TENM1: variants seen among roughly 807,000 people sequenced by gnomAD.
The protein encoded by TENM1 is teneurin transmembrane protein 1, also known as teneurin-1.
In TENM1, 35 loss-of-function variants were observed where a neutral mutation model predicts 174.8. That is an observed-to-expected ratio of 0.20 (90% CI 0.15 to 0.27). The LOEUF (loss-of-function observed/expected upper bound fraction) is 0.27. TENM1 is among the 10% of genes least tolerant of loss of function. The pLI is 1.00. For missense variants in TENM1, 1,633 were observed against 2,130.1 expected (o/e 0.77, Z 4.59); for synonymous variants, 781 against 798.7 (o/e 0.98, Z 0.37).
At chrX:125,036,357 G>A in the TENM1 span, among the ~76,000 whole-genome samples, 2 of 111,981 alleles carry the variant, frequency 1.8e-5, no homozygotes, top group South Asian at 3.7e-4. Flanking sequence ...ACGTATTTGT[G>A]TTGATTTTTA....
chrX:124,640,983 G>T (rs1342080956), intron 11 of TENM1, among the ~76,000 whole-genome samples: 1 of 67,885 alleles, frequency 1.5e-5, no homozygotes, highest in African/African-American at 7.8e-5. Context: ...AAAAAAATCA[G>T]GGGATCCCTG....
At chrX:125,039,691 T>C in the TENM1 span, among the ~76,000 whole-genome samples, 1 of 111,521 alleles carries the variant, frequency 9.0e-6, no homozygotes, top group African/African-American at 3.2e-5. Flanking sequence ...CCTAAAAGTA[T>C]AGTGATTTTA....
intron 11 of TENM1, among the ~76,000 whole-genome samples, chrX:124,590,399 A>G (rs1379403867): frequency 9.1e-6 from 1 of 110,026 alleles, no homozygotes; most frequent in African/African-American, 3.3e-5. Flanking sequence ...AAGAGAATAA[A>G]ATACCTAGGA....
the TENM1 span, among the ~76,000 whole-genome samples, chrX:125,133,483 G>A: frequency 9.0e-5 from 10 of 111,218 alleles, no homozygotes; most frequent in African/African-American, 2.6e-4. Context: ...GATACTCTCC[G>A]GATCATTACT....
At chrX:124,945,676 G>A (rs750626096) in intron 1 of TENM1, among the ~76,000 whole-genome samples, 9 of 111,353 alleles carry the variant, frequency 8.1e-5, no homozygotes, top group Non-Finnish European at 1.3e-4. Flanking sequence ...CAGAATCTGA[G>A]ACAGAAAAAG....
upstream of TENM1, chrX:124,963,828 A>G (rs1169956783): frequency 5.8e-6 from 5 of 866,245 alleles, no homozygotes; most frequent in Non-Finnish European, 8.3e-6. Flanking sequence ...CTGGAAGAGA[A>G]AGGGAAAAAC....
the TENM1 span, among the ~76,000 whole-genome samples, chrX:125,012,270 A>G: frequency 8.9e-6 from 1 of 111,835 alleles, no homozygotes; most frequent in African/African-American, 3.3e-5. Context: ...ATTGATAGGT[A>G]CAGCAAACCA....
Position 124,942,030 on chromosome X carries a change from T to C in TENM1, c.217+21507A>G, listed in dbSNP as rs757848948. Among the ~76,000 whole-genome samples the C allele has an allele frequency of 9.0e-5, 10 of 111,614 alleles. No homozygotes were observed. In the South Asian group the frequency reaches 3.8e-3, roughly 42 times the overall value. On this transcript the variant is annotated intron_variant, in intron 1 of 31. Transcript: ENST00000422452. Reference sequence around the variant, plus strand: ...GGGAGAAACTGCCCCCATGATTCAATTTTCTCTCACTGGGTCCCTCTCATG... The same window carrying C: ...GGGAGAAACTGCCCCCATGATTCAACTTTCTCTCACTGGGTCCCTCTCATG...
chrX:124,423,609 G>A lies in TENM1; in HGVS notation c.4105-971C>T, dbSNP rs747865089. Among the ~76,000 whole-genome samples, 102 of 110,886 alleles carry A rather than the reference G, an allele frequency of 9.2e-4. 1 individual carries two copies. The highest frequency in any genetic ancestry group is 2.1e-3 in the Admixed American group (22 of 10,425). ...CCCAGAGCAGGTGGTACCTAAGTAA[G>A]GTCTGAAATGAACAGTAGGAGAAGA... On this transcript the variant is annotated intron_variant, in intron 23 of 31. Coordinates refer to ENST00000422452, the Ensembl canonical transcript of TENM1.
At chrX:124,545,933 G>C (rs915391299) in intron 15 of TENM1, among the ~76,000 whole-genome samples, 6 of 112,046 alleles carry the variant, frequency 5.4e-5, no homozygotes, top group Admixed American at 4.7e-4. Context: ...TACAACTGAA[G>C]GGAAGGGAGT....
At chrX:124,713,568 G>T (rs1175807841) in intron 4 of TENM1, among the ~76,000 whole-genome samples, 1 of 112,041 alleles carries the variant, frequency 8.9e-6, no homozygotes, top group East Asian at 2.8e-4. Flanking sequence ...ATGCCCAGCC[G>T]GGAGATCCTT....
At chrX:125,084,765 C>T in the TENM1 span, among the ~76,000 whole-genome samples, 9 of 111,035 alleles carry the variant, frequency 8.1e-5, no homozygotes, top group African/African-American at 9.8e-5. Context: ...CCATTTTGAA[C>T]GGCAAAAGAT....
chrX:124,440,897 T>G (rs1318056304), intron 23 of TENM1, among the ~76,000 whole-genome samples: 1 of 111,908 alleles, frequency 8.9e-6, no homozygotes, highest in Non-Finnish European at 1.9e-5. Flanking sequence ...GACTGAAGTT[T>G]GTGCCACTTT....
intron 22 of TENM1, among the ~76,000 whole-genome samples, chrX:124,453,842 T>C: frequency 8.9e-6 from 1 of 111,899 alleles, no homozygotes; most frequent in East Asian, 2.8e-4. Context: ...ATTACATTTT[T>C]TTTTAGGGTG....
the TENM1 span, among the ~76,000 whole-genome samples, chrX:125,076,898 T>A: frequency 2.3e-4 from 25 of 108,827 alleles, no homozygotes; most frequent in Non-Finnish European, 3.6e-4. Flanking sequence ...CATTTCAAAA[T>A]TTTTTTTTTC....
chrX:124,635,372 G>A (rs2050855474), intron 11 of TENM1, among the ~76,000 whole-genome samples: 1 of 112,316 alleles, frequency 8.9e-6, no homozygotes, highest in Admixed American at 9.4e-5. Context: ...CTTCTGACAT[G>A]TTAAGGAACT....
intron 15 of TENM1, among the ~76,000 whole-genome samples, chrX:124,536,280 C>T (rs1391658785): frequency 9.0e-6 from 1 of 110,977 alleles, no homozygotes; most frequent in Non-Finnish European, 1.9e-5. Context: ...AGTGAATGCT[C>T]ATATGCAAAC....
chrX:124,949,221 G>C (rs778723661), intron 1 of TENM1, among the ~76,000 whole-genome samples: 1 of 111,463 alleles, frequency 9.0e-6, no homozygotes, highest in East Asian at 2.8e-4. Context: ...TGACAATCAG[G>C]AATAATTCTT....
intron 11 of TENM1, among the ~76,000 whole-genome samples, chrX:124,639,706 A>G (rs1225796579): frequency 9.0e-6 from 1 of 111,291 alleles, no homozygotes; most frequent in African/African-American, 3.3e-5. Context: ...TATATGTACA[A>G]TGCTTACAAT....
Sources: allele counts gnomAD v4.1 joint callset (sites outside exome capture counted in the v4.1 genomes callset), GRCh38; gene constraint gnomAD v4.1.1; transcripts MANE v1.5; gene names NCBI Gene and HGNC (gene_info 2026-07-23, HGNC 2026-07-21).